LINGO1: variants seen among roughly 807,000 people sequenced by gnomAD.
The protein encoded by LINGO1 is leucine rich repeat and Ig domain containing 1.
A neutral mutation model predicts 37.3 loss-of-function variants in LINGO1; 11 were observed. The observed-to-expected ratio is 0.29, with a 90% CI of 0.19 to 0.49. The LOEUF is 0.49. LINGO1 is among the 20% of genes least tolerant of loss of function. LINGO1 has a pLI of 0.99. For missense variants in LINGO1, 585 were observed against 878.2 expected, an observed-to-expected ratio of 0.67 and a Z score of 4.22; for synonymous variants, 387 against 403.0, an observed-to-expected ratio of 0.96 and a Z score of 0.48.
At chr15:77,631,795 G>A (rs1441149485) in intron 1 of LINGO1, among the ~76,000 whole-genome samples, 2 of 152,224 alleles carry the variant, frequency 1.3e-5, no homozygotes, top group Non-Finnish European at 2.9e-5. Context: ...CACTGGGCAG[G>A]AGCTGGAAAG....
chr15:77,676,917 C>A (rs1229061949), intron 3 of LINGO1, among the ~76,000 whole-genome samples: 1 of 152,200 alleles, frequency 6.6e-6, no homozygotes, highest in African/African-American at 2.4e-5. Flanking sequence ...CCACAGGAGG[C>A]CCCTCTGCTG....
chr15:77,711,090 C>T (rs972320025), intron 2 of LINGO1, among the ~76,000 whole-genome samples: 2 of 152,144 alleles, frequency 1.3e-5, no homozygotes, highest in Non-Finnish European at 2.9e-5. Flanking sequence ...TCCAGAATGT[C>T]CCCTCTCTGA....
intron 1 of LINGO1, among the ~76,000 whole-genome samples, chr15:77,797,602 C>A (rs1413997700): frequency 1.3e-5 from 2 of 152,234 alleles, no homozygotes; most frequent in Non-Finnish European, 2.9e-5. Flanking sequence ...TGGCATCGAA[C>A]CAGCACCTGG....
chr15:77,711,043 T>C (rs1431227533), intron 2 of LINGO1, among the ~76,000 whole-genome samples: 1 of 152,206 alleles, frequency 6.6e-6, no homozygotes, highest in Non-Finnish European at 1.5e-5. Context: ...GCCCCCTCTC[T>C]GAGCCTTTGC....
intron 3 of LINGO1, among the ~76,000 whole-genome samples, chr15:77,659,394 TC>T (rs1469015787): frequency 3.7e-4 from 57 of 152,008 alleles, no homozygotes; most frequent in Admixed American, 9.8e-4. Context: ...TACCTAGGAC[TC>T]CCCCATCCAA....
At chr15:77,676,001 G>C (rs976622785) in intron 3 of LINGO1, among the ~76,000 whole-genome samples, 3 of 152,172 alleles carry the variant, frequency 2.0e-5, no homozygotes, top group Non-Finnish European at 4.4e-5. Flanking sequence ...AGGCACAAAG[G>C]CCCAACCCGC....
rs961183125 is a variant in LINGO1, at chr15:77,613,461, C to T, written c.*583G>A. On this transcript the variant is annotated 3_prime_UTR_variant, in exon 2 of 2. Transcript: ENST00000355300. ...GGGCCCAGGCCTGCCCCCTAGCCTG[C>T]TCCTGATGGTGCCTGGGGCGGGGTG... 6.3e-6 allele frequency: 1 copy of T among 157,646 alleles called. No individual in the cohort carries two copies. The highest frequency in any genetic ancestry group is 2.4e-5 in the African/African-American group (1 of 41,474). 9.8% of individuals were successfully genotyped at this position (157,646 alleles called of 1,614,324 possible). A position where few individuals can be genotyped will look rare whatever the true frequency, so the allele number is the denominator to read the frequency against.
At chr15:77,737,762 C>A (rs2076217507) in intron 1 of LINGO1, among the ~76,000 whole-genome samples, 1 of 152,142 alleles carries the variant, frequency 6.6e-6, no homozygotes, top group Admixed American at 6.5e-5. Flanking sequence ...GACATTTTAT[C>A]TCTGGGTTTC....
intron 1 of LINGO1, among the ~76,000 whole-genome samples, chr15:77,768,565 G>T (rs944235943): frequency 6.6e-6 from 1 of 152,132 alleles, no homozygotes; most frequent in Non-Finnish European, 1.5e-5. Flanking sequence ...TACTCACAGG[G>T]ACACTGGTGG....
In LINGO1 at chr15:77,615,591, T is replaced by C; in HGVS notation, c.316A>G (p.Ile106Val). 4 of 1,611,596 alleles carry C rather than the reference T, an allele frequency of 2.5e-6. No homozygotes were observed. Among genetic ancestry groups the C allele is most frequent in the Non-Finnish European group, 2.5e-6 (3 of 1,178,888 alleles). Residue 106 changes from isoleucine (I) to valine (V), a missense_variant, in exon 2 of 2, where the codon ATC becomes GTC. Coordinates refer to ENST00000355300, the MANE Select transcript of LINGO1 (RefSeq NM_032808.7). ...HLEELELNEN[I>V]VSAVEPGAFN... ...GCGCCGGGCTCCACGGCGCTCACGA[T>C]GTTCTCGTTGAGCTCCAGCTCCTCC... is the stretch of plus-strand genomic sequence containing the variant.
chr15:77,665,537 T>G (rs1448897888), intron 3 of LINGO1, among the ~76,000 whole-genome samples: 1 of 152,202 alleles, frequency 6.6e-6, no homozygotes, highest in Non-Finnish European at 1.5e-5. Context: ...CACAGATGAG[T>G]GCAACCATAG....
chr15:77,672,142 C>T (rs1267593012), intron 3 of LINGO1, among the ~76,000 whole-genome samples: 1 of 151,792 alleles, frequency 6.6e-6, no homozygotes, highest in Non-Finnish European at 1.5e-5. Context: ...CACTCCTCTC[C>T]CCACCCCGAC....
chr15:77,758,866 C>CG (rs938460265), intron 1 of LINGO1, among the ~76,000 whole-genome samples: 2 of 150,552 alleles, frequency 1.3e-5, no homozygotes, highest in African/African-American at 4.9e-5. Flanking sequence ...CGGTCAGAAG[C>CG]GGGGGGAGGA....
upstream of LINGO1, among the ~76,000 whole-genome samples, chr15:77,698,739 A>G (rs537687587): frequency 3.9e-5 from 6 of 152,338 alleles, no homozygotes; most frequent in Admixed American, 3.3e-4. Flanking sequence ...GACAGAGATC[A>G]GGAATGGCAG....
Position 77,718,528 on chromosome 15 carries a change from C to T in LINGO1, c.-195+16464G>A, listed in dbSNP as rs188169524. Among the ~76,000 whole-genome samples the T allele has an allele frequency of 6.6e-5, 10 of 151,032 alleles. 1 individual carries two copies. Among genetic ancestry groups the T allele is most frequent in the South Asian group, 2.1e-4 (1 of 4,712 alleles). The stretch of plus-strand genomic sequence containing the variant: ...ACACATGTACAGACTCACACATCCA[C>T]GCATATTTGCATGGCACATGTCCAC... On this transcript the variant is annotated intron_variant, in intron 2 of 3. Transcript: ENST00000561686.
chr15:77,787,093 T>G (rs531185342), upstream of LINGO1: 1 of 152,242 alleles, frequency 6.6e-6, no homozygotes, highest in East Asian at 1.9e-4. Flanking sequence ...TGGATCACAC[T>G]GGGTGGGGGT....
chr15:77,691,566 T>C (rs1344290907), intron 1 of LINGO1, among the ~76,000 whole-genome samples: 2 of 152,086 alleles, frequency 1.3e-5, no homozygotes, highest in African/African-American at 4.8e-5. Context: ...CTCCAGCCAC[T>C]GCCACTGGAC....
In LINGO1 at chr15:77,615,157, G is replaced by T; in HGVS notation, c.750C>A (p.Pro250=). ...RLKVLEISHW[P]YLDTMTPNCL... ...AGTTGGGTGTCATGGTGTCCAAGTA[G>T]GGCCAGTGGGAGATCTCCAAGACCT... The change falls in exon 2 of 2, where the codon CCC becomes CCA. Residue 250 remains proline (P), a synonymous_variant. Transcript: ENST00000355300. 1 of 1,613,910 alleles carries T rather than the reference G, an allele frequency of 6.2e-7. No individual in the cohort carries two copies. The highest frequency in any genetic ancestry group is 1.1e-5 in the South Asian group (1 of 91,084).
chr15:77,714,512 C>T (rs938441337), intron 2 of LINGO1, among the ~76,000 whole-genome samples: 6 of 152,146 alleles, frequency 3.9e-5, no homozygotes, highest in African/African-American at 1.4e-4. Context: ...GCCTCCTCAT[C>T]CCCCTCACGG....
Sources: gnomAD v4.1 joint callset for allele counts (sites outside exome capture counted in the v4.1 genomes callset) on GRCh38, gnomAD v4.1.1 for gene constraint, MANE v1.5 for transcripts, NCBI Gene and HGNC (gene_info 2026-07-23, HGNC 2026-07-21) for gene names.